The following PTGIS variants were observed in gnomAD, a reference collection of about 807,000 sequenced individuals.
The protein encoded by PTGIS is prostacyclin synthase.
Under a neutral mutation model 50.3 loss-of-function variants are expected in PTGIS, and 45 were observed. The ratio of observed to expected loss-of-function variants is 0.90; its 90% CI spans 0.70 to 1.15. PTGIS has a LOEUF of 1.15. Among genes scored for constraint, PTGIS ranks in the 50% most tolerant of loss-of-function variants. PTGIS has a pLI of 0.00. For missense variants in PTGIS, 668 were observed against 661.3 expected, an observed-to-expected ratio of 1.01 and a Z score of -0.11; for synonymous variants, 260 against 267.7, an observed-to-expected ratio of 0.97 and a Z score of 0.28.
rs568082357 is a variant in PTGIS at position 49,538,692 on chromosome 20, TTTATTTATTTAA to T, written c.673+866_673+877del. On this transcript the variant is annotated intron_variant, in intron 5 of 9. Transcript: ENST00000244043. Reference sequence around the variant, plus strand: ...ATTTATTTATTTATTTATTTATTTATTTATTTATTTAAGACAGAGTCTGGCTCTGTCACTCAG... The same window carrying T: ...ATTTATTTATTTATTTATTTATTTATGACAGAGTCTGGCTCTGTCACTCAG... 3.1e-4 allele frequency among the ~76,000 whole-genome samples: 46 copies of T among 149,290 alleles called. 2 individuals are homozygous for T. The highest frequency in any genetic ancestry group is 9.2e-4 in the Admixed American group (14 of 15,154).
intron 5 of PTGIS, among the ~76,000 whole-genome samples, chr20:49,529,997 A>C (rs1981894172): frequency 6.6e-6 from 1 of 151,998 alleles, no homozygotes; most frequent in East Asian, 1.9e-4. Context: ...TCTACTAAAA[A>C]TACAAAATTA....
intron 1 of PTGIS, among the ~76,000 whole-genome samples, chr20:49,552,576 A>G (rs1453868760): frequency 6.6e-6 from 1 of 150,694 alleles, no homozygotes; most frequent in Non-Finnish European, 1.5e-5. Context: ...TCCCTATCTG[A>G]TTTTCACCCA....
intron 5 of PTGIS, among the ~76,000 whole-genome samples, chr20:49,535,290 C>T (rs1982039964): frequency 6.6e-6 from 1 of 152,060 alleles, no homozygotes; most frequent in South Asian, 2.1e-4. Context: ...AATGATGTGG[C>T]AGAAGCAGAT....
intron 5 of PTGIS, among the ~76,000 whole-genome samples, chr20:49,538,809 G>C (rs971025797): frequency 6.6e-6 from 1 of 151,996 alleles, no homozygotes; most frequent in Non-Finnish European, 1.5e-5. Flanking sequence ...AGCTTCCCGA[G>C]TAGCCAGGAA....
chr20:49,527,670 A>G (rs1180589649), intron 5 of PTGIS, among the ~76,000 whole-genome samples: 1 of 152,220 alleles, frequency 6.6e-6, no homozygotes, highest in Non-Finnish European at 1.5e-5. Context: ...CTGGAAATAG[A>G]TAACGGCATG....
intron 9 of PTGIS, among the ~76,000 whole-genome samples, chr20:49,509,928 G>A (rs1386906968): frequency 3.3e-5 from 4 of 120,544 alleles, no homozygotes; most frequent in Admixed American, 2.1e-4. Context: ...TCACTCTGTC[G>A]CCCAGGCTGG....
intron 5 of PTGIS, among the ~76,000 whole-genome samples, chr20:49,526,659 A>G (rs145162492): frequency 3.2e-3 from 481 of 152,350 alleles, no homozygotes; most frequent in African/African-American, 0.011. Context: ...TGATTTGAAA[A>G]TTGGCAAAGG....
chr20:49,539,866 G>A (rs1055772121), intron 4 of PTGIS, 145 bp from the exon 5 acceptor site: 27 of 1,205,126 alleles, frequency 2.2e-5, no homozygotes, highest in South Asian at 9.6e-5. Flanking sequence ...CTGAACAGTC[G>A]GCAGTGAAAA....
At chr20:49,567,351 C>G (rs1694253865) in intron 1 of PTGIS, among the ~76,000 whole-genome samples, 1 of 152,236 alleles carries the variant, frequency 6.6e-6, no homozygotes, top group African/African-American at 2.4e-5. Context: ...CTGACCCTGG[C>G]TCCGTTCTGT....
intron 6 of PTGIS, among the ~76,000 whole-genome samples, chr20:49,521,771 G>C (rs1431881245): frequency 2.0e-5 from 3 of 152,146 alleles, no homozygotes; most frequent in African/African-American, 7.2e-5. Context: ...CGTCGAAGTG[G>C]GGCCAAGAGA....
intron 2 of PTGIS, among the ~76,000 whole-genome samples, chr20:49,548,871 G>A (rs1165609396): frequency 6.6e-6 from 1 of 152,156 alleles, no homozygotes; most frequent in African/African-American, 2.4e-5. Context: ...GCTAGAGGTT[G>A]GTTGGAAACC....
intron 6 of PTGIS, among the ~76,000 whole-genome samples, chr20:49,518,473 A>G (rs762595809): frequency 1.3e-5 from 2 of 152,254 alleles, no homozygotes; most frequent in Non-Finnish European, 2.9e-5. Flanking sequence ...AAACTGGGGC[A>G]ATGTGAATAA....
intron 5 of PTGIS, among the ~76,000 whole-genome samples, chr20:49,536,947 T>C (rs912735092): frequency 3.3e-5 from 5 of 152,146 alleles, no homozygotes; most frequent in Non-Finnish European, 5.9e-5. Flanking sequence ...GCCCAGACTC[T>C]GTCTTAGCCA....
At chr20:49,511,457 A>G (rs548764522) in intron 8 of PTGIS, among the ~76,000 whole-genome samples, 2 of 152,236 alleles carry the variant, frequency 1.3e-5, no homozygotes, top group South Asian at 2.1e-4. Flanking sequence ...TTTTCATGGC[A>G]TGTGAATGTG....
rs1196406817 is a variant in PTGIS, at chr20:49,565,010, G to A, written c.74+3033C>T. ...TTTTTTGAGATGGAGTCGCTCTGTC[G>A]CCCAGGCTGGAGTGCAGTGGCAGGA... On this transcript the variant is annotated intron_variant, in intron 1 of 9. Coordinates refer to ENST00000244043, the MANE Select transcript of PTGIS (RefSeq NM_000961.4). Among the ~76,000 whole-genome samples, 5 of 141,710 alleles carry A rather than the reference G, an allele frequency of 3.5e-5. No individual in the cohort carries two copies. In the East Asian group the frequency reaches 8.2e-4, roughly 23 times the overall value. 93.0% of individuals were successfully genotyped at this position (141,710 alleles called of 152,430 possible).
At chr20:49,564,165 T>C (rs575040341) in intron 1 of PTGIS, among the ~76,000 whole-genome samples, 10 of 152,372 alleles carry the variant, frequency 6.6e-5, no homozygotes, top group African/African-American at 2.4e-4. Context: ...TTAAGAATTA[T>C]CTTTTTATAT....
chr20:49,508,556 C>T (rs945055536), intron 9 of PTGIS, among the ~76,000 whole-genome samples: 10 of 152,114 alleles, frequency 6.6e-5, no homozygotes, highest in East Asian at 1.9e-4. Context: ...ATTAATACGG[C>T]GACTCCTCTG....
intron 4 of PTGIS, among the ~76,000 whole-genome samples, chr20:49,541,068 A>T (rs572502905): frequency 3.2e-4 from 48 of 152,358 alleles, no homozygotes; most frequent in African/African-American, 1.1e-3. Flanking sequence ...TGCAGCCCAC[A>T]CACTGGATTC....
intron 9 of PTGIS, among the ~76,000 whole-genome samples, chr20:49,510,704 G>A (rs1981293159): frequency 1.3e-5 from 2 of 152,106 alleles, no homozygotes. Context: ...CTGAACATGC[G>A]GCAGCAGCTG....
Sources: allele counts gnomAD v4.1 joint callset (sites outside exome capture counted in the v4.1 genomes callset), GRCh38; gene constraint gnomAD v4.1.1; transcripts MANE v1.5; gene names NCBI Gene and HGNC (gene_info 2026-07-23, HGNC 2026-07-21).